Variants in GPR158 observed in about 807,000 individuals in gnomAD.
GPR158 encodes the protein G protein-coupled receptor 158.
GPR158 carries 30 observed loss-of-function variants against 78.2 expected under a neutral mutation model. That is an observed-to-expected ratio of 0.38 (90% CI 0.29 to 0.52). GPR158 has a LOEUF of 0.52. GPR158 is among the 20% of genes least tolerant of loss of function. The pLI, the probability that GPR158 is intolerant of heterozygous loss-of-function variation, is 0.83. For missense variants in GPR158, 1,463 were observed against 1,523.5 expected (o/e 0.96, Z 0.66); for synonymous variants, 581 against 591.1 (o/e 0.98, Z 0.25).
intron 2 of GPR158, among the ~76,000 whole-genome samples, chr10:25,331,354 G>C (rs1855119592): frequency 6.6e-6 from 1 of 152,182 alleles, no homozygotes; most frequent in African/African-American, 2.4e-5. Flanking sequence ...TTAGGGGATA[G>C]TATACCACAT....
At chr10:25,551,180 A>G (rs779595867) in intron 6 of GPR158, 95 bp downstream of exon 6, 11 of 740,186 alleles carry the variant, frequency 1.5e-5, no homozygotes, top group Non-Finnish European at 2.2e-5. Flanking sequence ...TAAATGGCTC[A>G]GTTTCAAGAA....
At chr10:25,574,955 T>C (rs1279707504) in intron 7 of GPR158, among the ~76,000 whole-genome samples, 1 of 151,886 alleles carries the variant, frequency 6.6e-6, no homozygotes, top group Admixed American at 6.6e-5. Context: ...TAATTCCAGC[T>C]ACTCTAGAGG....
chr10:25,360,195 C>T (rs182846304), intron 2 of GPR158, among the ~76,000 whole-genome samples: 2,555 of 152,214 alleles, frequency 0.017, 65 homozygotes, highest in African/African-American at 0.05. Context: ...TTCTCCCATT[C>T]TGTAGGTTGC....
intron 2 of GPR158, among the ~76,000 whole-genome samples, chr10:25,381,583 AT>A (rs979916255): frequency 6.6e-6 from 1 of 152,230 alleles, no homozygotes; most frequent in African/African-American, 2.4e-5. Flanking sequence ...AAATATTGAA[AT>A]TAATCAGCTT....
At chr10:25,218,093 C>T (rs755136618) in intron 1 of GPR158, among the ~76,000 whole-genome samples, 2 of 152,066 alleles carry the variant, frequency 1.3e-5, no homozygotes, top group Non-Finnish European at 2.9e-5. Flanking sequence ...CGGCAGGATG[C>T]TCTTCCCCAC....
chr10:25,377,676 G>C (rs1834101024), intron 2 of GPR158, among the ~76,000 whole-genome samples: 1 of 151,810 alleles, frequency 6.6e-6, no homozygotes, highest in Non-Finnish European at 1.5e-5. Context: ...GTACTTTTTT[G>C]AGATTTATTT....
At chr10:25,262,169 A>T (rs1213844545) in intron 2 of GPR158, among the ~76,000 whole-genome samples, 2 of 152,294 alleles carry the variant, frequency 1.3e-5, no homozygotes, top group East Asian at 3.9e-4. Flanking sequence ...TATTTCCCAC[A>T]GTGAACAGAT....
At chr10:25,455,680 GTTAC>G (rs549706412) in intron 4 of GPR158, among the ~76,000 whole-genome samples, 3 of 151,948 alleles carry the variant, frequency 2.0e-5, no homozygotes, top group African/African-American at 4.8e-5. Context: ...TTTGAAAATC[GTTAC>G]TTACTCATGT....
At chr10:25,427,583 T>C (rs1433048866) in intron 4 of GPR158, among the ~76,000 whole-genome samples, 1 of 152,150 alleles carries the variant, frequency 6.6e-6, no homozygotes, top group Non-Finnish European at 1.5e-5. Flanking sequence ...TTTTTAAATT[T>C]GTATAATTTA....
chr10:25,535,202 A>AC (rs761804385), intron 5 of GPR158, among the ~76,000 whole-genome samples: 11 of 152,184 alleles, frequency 7.2e-5, no homozygotes, highest in Non-Finnish European at 1.6e-4. Flanking sequence ...AATGTTCCCT[A>AC]CCTCCTGGTA....
chr10:25,334,091 A>G (rs183087977), intron 2 of GPR158, among the ~76,000 whole-genome samples: 1 of 152,278 alleles, frequency 6.6e-6, no homozygotes, highest in East Asian at 1.9e-4. Context: ...AAGGAGAGTG[A>G]TATCCTACTA....
At chr10:25,198,560 A>G (rs1588730162) in intron 1 of GPR158, among the ~76,000 whole-genome samples, 2 of 152,224 alleles carry the variant, frequency 1.3e-5, no homozygotes, top group South Asian at 4.1e-4. Flanking sequence ...TTTTGGGAAG[A>G]TAACTATTAT....
chr10:25,595,279 T>C (rs982739881), intron 9 of GPR158, among the ~76,000 whole-genome samples: 1 of 152,198 alleles, frequency 6.6e-6, no homozygotes, highest in Non-Finnish European at 1.5e-5. Flanking sequence ...AAGATACCTA[T>C]TTTATTCCCT....
intron 4 of GPR158, among the ~76,000 whole-genome samples, chr10:25,460,868 C>T (rs1005150833): frequency 6.6e-6 from 1 of 152,180 alleles, no homozygotes; most frequent in Non-Finnish European, 1.5e-5. Flanking sequence ...CTTTGTATCT[C>T]TGTGTCACAT....
intron 1 of GPR158, among the ~76,000 whole-genome samples, chr10:25,188,272 G>C (rs1041166348): frequency 6.6e-6 from 1 of 152,050 alleles, no homozygotes; most frequent in Non-Finnish European, 1.5e-5. Flanking sequence ...TCACAGAATT[G>C]GAAAACACTA....
chr10:25,559,037 T>TC (rs1407567728), intron 6 of GPR158, among the ~76,000 whole-genome samples: 1 of 152,208 alleles, frequency 6.6e-6, no homozygotes, highest in African/African-American at 2.4e-5. Context: ...ATTTGTTCCA[T>TC]CAGTTATTGA....
At chr10:25,481,621 G>T (rs1191733165) in intron 5 of GPR158, among the ~76,000 whole-genome samples, 1 of 152,102 alleles carries the variant, frequency 6.6e-6, no homozygotes, top group Non-Finnish European at 1.5e-5. Context: ...CCCTGATTTC[G>T]ATTTTTTGGG....
intron 5 of GPR158, among the ~76,000 whole-genome samples, chr10:25,537,605 A>G (rs1003515705): frequency 4.6e-5 from 7 of 152,118 alleles, no homozygotes; most frequent in East Asian, 1.9e-4. Context: ...TTCTCAATAC[A>G]CATTTACAGT....
chr10:25,414,548 G>A (rs530589994), intron 4 of GPR158, among the ~76,000 whole-genome samples: 1 of 152,218 alleles, frequency 6.6e-6, no homozygotes, highest in African/African-American at 2.4e-5. Context: ...GAAAAGAAAT[G>A]TTCAGTGCAA....
Sources: allele counts gnomAD v4.1 joint callset (sites outside exome capture counted in the v4.1 genomes callset), GRCh38; gene constraint gnomAD v4.1.1; transcripts MANE v1.5; gene names NCBI Gene and HGNC (gene_info 2026-07-23, HGNC 2026-07-21).